Variants in HK1 observed in about 807,000 individuals in gnomAD.
The protein encoded by HK1 is hexokinase-1.
In HK1, 28 loss-of-function variants were observed where a neutral mutation model predicts 91.6. The observed-to-expected ratio is 0.31, with a 90% CI of 0.23 to 0.42. The LOEUF (loss-of-function observed/expected upper bound fraction) is 0.42. Among genes scored for constraint, HK1 ranks in the 10% least tolerant of loss-of-function variants. The pLI is 1.00. For missense variants in HK1, 770 were observed against 1,219.8 expected, an observed-to-expected ratio of 0.63 and a Z score of 5.49; for synonymous variants, 430 against 468.1, an observed-to-expected ratio of 0.92 and a Z score of 1.05.
chr10:69,397,864 C>A (rs1399082855), intron 16 of HK1, among the ~76,000 whole-genome samples: 2 of 152,182 alleles, frequency 1.3e-5, no homozygotes, highest in African/African-American at 2.4e-5. Context: ...AGATCATCCT[C>A]ACTAATAGAG....
intron 2 of HK1, among the ~76,000 whole-genome samples, chr10:69,286,689 C>A (rs989215847): frequency 1.3e-5 from 2 of 152,044 alleles, no homozygotes. Context: ...GCTGGGATTA[C>A]AGGCATGTGC....
At position 69,398,885 on chromosome 10, in the gene HK1, G is replaced by T. The variant is rs916992956; in HGVS notation, c.2609+57G>T. On this transcript the variant is annotated intron_variant, in intron 17 of 17. Coordinates refer to ENST00000359426, the MANE Select transcript of HK1 (RefSeq NM_000188.3). ...GCTTGCTGGGATCCCTTTGGGTTAG[G>T]GGGTATCAGGGTGTGGTTTACGCTG... 3.7e-6 allele frequency: 5 copies of T among 1,356,202 alleles called. No individual in the cohort carries two copies. The East Asian group carries it at 1.2e-4, about 31-fold the overall frequency. 84.0% of individuals were successfully genotyped at this position (1,356,202 alleles called of 1,614,324 possible).
intron 1 of HK1, among the ~76,000 whole-genome samples, chr10:69,336,437 A>C (rs543685484): frequency 0.01 from 1,553 of 151,806 alleles, 10 homozygotes; most frequent in Non-Finnish European, 0.016. Context: ...GTGATCCACC[A>C]GCCTCGGCCT....
intron 1 of HK1, among the ~76,000 whole-genome samples, chr10:69,325,726 T>G (rs1847320074): frequency 6.6e-6 from 1 of 151,586 alleles, no homozygotes; most frequent in Non-Finnish European, 1.5e-5. Flanking sequence ...AAATAGAGAC[T>G]GGGTTTCACC....
At chr10:69,292,340 TG>T (rs1442725980) in intron 3 of HK1, 21 of 445,770 alleles carry the variant, frequency 4.7e-5, no homozygotes, top group African/African-American at 2.4e-4. Flanking sequence ...CCTAAAGTGC[TG>T]GGATTACAGG....
In HK1 at chr10:69,357,482, G is replaced by A. The variant is rs181036637; in HGVS notation, c.227-2415G>A. 2.1e-3 allele frequency among the ~76,000 whole-genome samples: 322 copies of A among 152,148 alleles called. 1 individual carries two copies. The highest frequency in any genetic ancestry group is 7.5e-3 in the African/African-American group (309 of 41,476). On this transcript the variant is annotated intron_variant, in intron 2 of 17. Transcript: ENST00000359426. Reference sequence around the variant, plus strand: ...TCTTCTTTTTTTGAGACAGGGCCTCGCTCTGTTGCCCAGGCTGGAGTGCAG... The same window carrying A: ...TCTTCTTTTTTTGAGACAGGGCCTCACTCTGTTGCCCAGGCTGGAGTGCAG...
At chr10:69,354,681 A>G (rs1849043090) in intron 2 of HK1, among the ~76,000 whole-genome samples, 1 of 152,090 alleles carries the variant, frequency 6.6e-6, no homozygotes, top group Non-Finnish European at 1.5e-5. Context: ...AGTCCCTGTG[A>G]CCAGGCAGCT....
chr10:69,358,863 CAA>C (rs771610951), intron 2 of HK1, among the ~76,000 whole-genome samples: 40 of 80,424 alleles, frequency 5.0e-4, no homozygotes, highest in African/African-American at 1.3e-3. Context: ...AGCTCTGTCT[CAA>C]AAAAAAAAAA....
chr10:69,376,344 C>T (rs1182916405), intron 7 of HK1, among the ~76,000 whole-genome samples: 2 of 151,932 alleles, frequency 1.3e-5, no homozygotes, highest in Admixed American at 1.3e-4. Flanking sequence ...TAAGGAGACT[C>T]CCCCTCTACA....
chr10:69,376,800 G>C, intron 7 of HK1, 134 bp from the exon 8 acceptor site: 1 of 1,115,692 alleles, frequency 9.0e-7, no homozygotes, highest in East Asian at 2.4e-5. Context: ...TCAAGCACAT[G>C]GTTTTGCCTG....
chr10:69,327,527 C>G (rs1002634495), intron 1 of HK1, among the ~76,000 whole-genome samples: 2 of 152,090 alleles, frequency 1.3e-5, no homozygotes, highest in African/African-American at 4.8e-5. Context: ...CCTTGGTGAA[C>G]TTTCTCTAGA....
upstream of HK1, chr10:69,316,067 G>A: frequency 7.0e-7 from 1 of 1,431,470 alleles, no homozygotes; most frequent in Non-Finnish European, 9.9e-7. Context: ...AGATGAGAGG[G>A]GATGCTTGGT....
intron 14 of HK1, among the ~76,000 whole-genome samples, chr10:69,390,231 C>T (rs985825957): frequency 6.6e-6 from 1 of 152,230 alleles, no homozygotes; most frequent in Non-Finnish European, 1.5e-5. Flanking sequence ...TTTCTCCACC[C>T]AGCCCCTCCC....
chr10:69,367,407 A>C (rs1042624215), intron 4 of HK1, among the ~76,000 whole-genome samples: 1 of 152,344 alleles, frequency 6.6e-6, no homozygotes, highest in Non-Finnish European at 1.5e-5. Context: ...GGAACTGCCC[A>C]GCAGGAAATG....
intron 10 of HK1, 37 bp from the exon 11 acceptor site, chr10:69,384,296 C>CTG: frequency 6.2e-7 from 1 of 1,614,080 alleles, no homozygotes; most frequent in Non-Finnish European, 8.5e-7. Context: ...AGGCACTTAG[C>CTG]TGTTTTTGAC....
At chr10:69,338,429 G>A in intron 1 of HK1, 1 of 1,251,314 alleles carries the variant, frequency 8.0e-7, no homozygotes, top group Non-Finnish European at 1.0e-6. Flanking sequence ...CTCAGACACT[G>A]GTTTGAGAGG....
intron 2 of HK1, among the ~76,000 whole-genome samples, chr10:69,287,631 T>C (rs934781065): frequency 5.3e-5 from 8 of 152,120 alleles, no homozygotes; most frequent in Non-Finnish European, 1.0e-4. Context: ...TGGCTGGTAA[T>C]GGGTATGGGT....
rs1161323121 is a variant in HK1, at chr10:69,380,827, G to A, written c.1265+732G>A. Among the ~76,000 whole-genome samples, 1 of 152,186 alleles carries A rather than the reference G, an allele frequency of 6.6e-6. No individual in the cohort carries two copies. Among genetic ancestry groups the A allele is most frequent in the Non-Finnish European group, 1.5e-5 (1 of 68,022 alleles). ...CTTATACTTTTTTTAAAAGGCTAAA[G>A]GGAAATTCTAAGTCATTATTTAATA... On this transcript the variant is annotated intron_variant, in intron 9 of 17. Coordinates refer to ENST00000359426, the MANE Select transcript of HK1 (RefSeq NM_000188.3). This position sits in a 1 kb window ranked among gnomAD's most constrained non-coding sequence, Gnocchi z 4.0.
chr10:69,342,879 G>T (rs1368644845), intron 1 of HK1, among the ~76,000 whole-genome samples: 1 of 152,198 alleles, frequency 6.6e-6, no homozygotes, highest in Non-Finnish European at 1.5e-5. Flanking sequence ...TTTTTTGGGA[G>T]AATAAATGCG....
Sources: allele counts gnomAD v4.1 joint callset (sites outside exome capture counted in the v4.1 genomes callset), GRCh38; gene constraint gnomAD v4.1.1; non-coding constraint Gnocchi (gnomAD v3.1); transcripts MANE v1.5; gene names NCBI Gene and HGNC (gene_info 2026-07-23, HGNC 2026-07-21).